HPSE2: variants seen among roughly 807,000 people sequenced by gnomAD.
The protein encoded by HPSE2 is inactive heparanase-2.
In HPSE2, 38 loss-of-function variants were observed where a neutral mutation model predicts 60.5. The observed-to-expected ratio is 0.63, with a 90% CI of 0.48 to 0.82. The LOEUF (loss-of-function observed/expected upper bound fraction) is 0.82. Among genes scored for constraint, HPSE2 ranks in the 40% least tolerant of loss-of-function variants. The probability of loss-of-function intolerance (pLI) is 0.00; values close to 1 mark genes in which losing one functional copy is unlikely to be tolerated. For synonymous variants in HPSE2, 295 were observed against 293.2 expected, an observed-to-expected ratio of 1.01 and a Z score of -0.06; for missense variants, 713 against 740.4, an observed-to-expected ratio of 0.96 and a Z score of 0.43.
intron 2 of HPSE2, among the ~76,000 whole-genome samples, chr10:99,168,253 T>C (rs771629566): frequency 6.6e-6 from 1 of 152,180 alleles, no homozygotes; most frequent in Non-Finnish European, 1.5e-5. Context: ...TCAATAAAAT[T>C]TTATAATTTC....
At chr10:98,481,335 A>C (rs927698779) in intron 11 of HPSE2, among the ~76,000 whole-genome samples, 1 of 152,194 alleles carries the variant, frequency 6.6e-6, no homozygotes, top group Non-Finnish European at 1.5e-5. Context: ...TAGGAAACTG[A>C]GGCCAAAGGA....
At chr10:98,529,795 A>G (rs1053648794) in intron 9 of HPSE2, among the ~76,000 whole-genome samples, 2 of 152,128 alleles carry the variant, frequency 1.3e-5, no homozygotes, top group African/African-American at 4.8e-5. Flanking sequence ...CTCCTGCACA[A>G]ATTGGATGTG....
At chr10:99,202,160 A>G (rs1179720290) in intron 2 of HPSE2, among the ~76,000 whole-genome samples, 2 of 152,238 alleles carry the variant, frequency 1.3e-5, no homozygotes, top group Non-Finnish European at 1.5e-5. Flanking sequence ...AGATATAGAG[A>G]TAGAGATATC....
intron 3 of HPSE2, among the ~76,000 whole-genome samples, chr10:98,749,947 T>TATATATATATATATATAC: frequency 0.13 from 12,834 of 98,066 alleles, 1,082 homozygotes; most frequent in South Asian, 0.2. Flanking sequence ...TATATATATA[T>TATATATATATATATATAC]ACACACACAC....
chr10:98,757,635 A>G (rs1046986598), intron 3 of HPSE2, among the ~76,000 whole-genome samples: 1 of 152,150 alleles, frequency 6.6e-6, no homozygotes, highest in African/African-American at 2.4e-5. Flanking sequence ...CAGAGAAATG[A>G]AAGATCTCTA....
chr10:99,232,214 TACACACACACAC>T lies in HPSE2; in HGVS notation c.448+122_448+133del, dbSNP rs59437000. ...ATCTGCCCCAACGCGCGCGCGCGCATACACACACACACACACACACACACACACACACACACA... is the reference window on the plus strand; with the variant it reads ...ATCTGCCCCAACGCGCGCGCGCGCATACACACACACACACACACACACACA... On this transcript the variant is annotated intron_variant, in intron 2 of 11. Coordinates refer to ENST00000370552, the MANE Select transcript of HPSE2 (RefSeq NM_021828.5). 18,037 of 898,158 alleles carry T rather than the reference TACACACACACAC, an allele frequency of 0.02. 381 individuals are homozygous for T. Among genetic ancestry groups the T allele is most frequent in the East Asian group, 0.14 (5,194 of 36,392 alleles). The allele number at this position is 898,158 out of a possible 1,614,324, so 55.6% of individuals were successfully genotyped here. A position where few individuals can be genotyped will look rare whatever the true frequency, so the allele number is the denominator to read the frequency against.
chr10:98,473,532 G>GAGGGAA (rs1554911867), intron 11 of HPSE2, among the ~76,000 whole-genome samples: 1 of 139,608 alleles, frequency 7.2e-6, no homozygotes, highest in Non-Finnish European at 1.5e-5. Context: ...AAGAGAGAGA[G>GAGGGAA]AGAAAGAAAG....
At chr10:98,812,314 G>T (rs1206664666) in intron 3 of HPSE2, among the ~76,000 whole-genome samples, 4 of 152,080 alleles carry the variant, frequency 2.6e-5, no homozygotes, top group African/African-American at 9.7e-5. Flanking sequence ...AACCTGAATT[G>T]TCCTGACTCC....
chr10:99,275,671 G>A, the HPSE2 span, among the ~76,000 whole-genome samples: 4 of 152,246 alleles, frequency 2.6e-5, no homozygotes, highest in South Asian at 2.1e-4. Flanking sequence ...CCAAGGATAT[G>A]TGAAGCCCAT....
At chr10:98,933,738 CTTTTT>C (rs1400974532) in intron 3 of HPSE2, among the ~76,000 whole-genome samples, 1 of 133,590 alleles carries the variant, frequency 7.5e-6, no homozygotes, top group Non-Finnish European at 1.6e-5. Flanking sequence ...TTTTTCTTTT[CTTTTT>C]TTTTTTGAGA....
intron 3 of HPSE2, among the ~76,000 whole-genome samples, chr10:98,960,682 C>T (rs1955631633): frequency 1.5e-5 from 2 of 130,388 alleles, no homozygotes; most frequent in Non-Finnish European, 3.3e-5. Flanking sequence ...CTTTGAATTA[C>T]AGTTAACTAT....
At chr10:99,037,292 G>T (rs1957631885) in intron 3 of HPSE2, among the ~76,000 whole-genome samples, 1 of 152,054 alleles carries the variant, frequency 6.6e-6, no homozygotes, top group Non-Finnish European at 1.5e-5. Context: ...TGGTAGAAAA[G>T]CTGGGGAAAT....
chr10:99,268,922 G>A, the HPSE2 span, among the ~76,000 whole-genome samples: 3 of 151,936 alleles, frequency 2.0e-5, no homozygotes, highest in African/African-American at 4.8e-5. Context: ...TTGGGAGGCC[G>A]AGGCGGGTGG....
At chr10:99,266,557 A>G in the HPSE2 span, among the ~76,000 whole-genome samples, 22 of 151,748 alleles carry the variant, frequency 1.4e-4, no homozygotes, top group African/African-American at 5.3e-4. Flanking sequence ...GTCTTTCTCT[A>G]CTCACCCTTG....
intron 5 of HPSE2, among the ~76,000 whole-genome samples, chr10:98,696,999 C>T (rs1479293202): frequency 6.6e-6 from 1 of 152,150 alleles, no homozygotes; most frequent in Non-Finnish European, 1.5e-5. Flanking sequence ...CAAGGGTCAG[C>T]AGCCTCAAAG....
At chr10:98,809,936 G>A (rs916645185) in intron 3 of HPSE2, among the ~76,000 whole-genome samples, 2 of 151,930 alleles carry the variant, frequency 1.3e-5, no homozygotes, top group East Asian at 1.9e-4. Context: ...TTCCCATTAC[G>A]GGCAAAACAG....
intron 4 of HPSE2, among the ~76,000 whole-genome samples, chr10:98,724,024 T>C (rs1250976262): frequency 6.6e-6 from 1 of 152,222 alleles, no homozygotes; most frequent in East Asian, 1.9e-4. Flanking sequence ...ATGTGTTTGC[T>C]CTTGCTTCTC....
rs1940086534 is a variant in HPSE2, at chr10:98,457,244, T to C, written c.*2330A>G. ...AACACTTATTTACAGAAAGTGTGTTTGAGTGGAGTTCTGGCTGTTCTGAAT... is the reference window on the plus strand; with the variant it reads ...AACACTTATTTACAGAAAGTGTGTTCGAGTGGAGTTCTGGCTGTTCTGAAT... On this transcript the variant is annotated 3_prime_UTR_variant, in exon 12 of 12. Coordinates refer to ENST00000370552, the MANE Select transcript of HPSE2 (RefSeq NM_021828.5). 6.6e-6 allele frequency: 1 copy of C among 152,360 alleles called. No homozygotes were observed. Among genetic ancestry groups the C allele is most frequent in the African/African-American group, 2.4e-5 (1 of 41,586 alleles). The allele number at this position is 152,360 out of a possible 1,614,324, so 9.4% of individuals were successfully genotyped here. A position where few individuals can be genotyped will look rare whatever the true frequency, so the allele number is the denominator to read the frequency against.
intron 9 of HPSE2, among the ~76,000 whole-genome samples, chr10:98,508,715 G>A (rs112546300): frequency 5.3e-5 from 8 of 152,156 alleles, no homozygotes; most frequent in Non-Finnish European, 2.9e-5. Flanking sequence ...AGGAAAAGAA[G>A]GGAGGGGACA....
Sources: allele counts gnomAD v4.1 joint callset (sites outside exome capture counted in the v4.1 genomes callset), GRCh38; gene constraint gnomAD v4.1.1; transcripts MANE v1.5; gene names NCBI Gene and HGNC (gene_info 2026-07-23, HGNC 2026-07-21).